The following CLVS1 variants were observed in gnomAD, a reference collection of about 807,000 sequenced individuals.
CLVS1 encodes clavesin-1.
CLVS1 carries 10 observed loss-of-function variants against 33.1 expected under a neutral mutation model. The observed-to-expected ratio is 0.30, with a 90% CI of 0.19 to 0.51. The LOEUF (loss-of-function observed/expected upper bound fraction) is 0.51, where lower values mean the gene tolerates loss of function less well. Among genes scored for constraint, CLVS1 ranks in the 20% least tolerant of loss-of-function variants. The probability of loss-of-function intolerance (pLI) is 0.97; values close to 1 mark genes in which losing one functional copy is unlikely to be tolerated. For synonymous variants in CLVS1, 163 were observed against 166.1 expected, an observed-to-expected ratio of 0.98 and a Z score of 0.14; for missense variants, 343 against 433.4, an observed-to-expected ratio of 0.79 and a Z score of 1.85.
intron 1 of CLVS1, among the ~76,000 whole-genome samples, chr8:61,069,260 G>A (rs1350713420): frequency 6.6e-6 from 1 of 152,114 alleles, no homozygotes; most frequent in Non-Finnish European, 1.5e-5. Context: ...GAGCCACCGC[G>A]CCCAGCCAGA....
chr8:61,166,031 G>GTTTTTATTTT, intron 2 of CLVS1, among the ~76,000 whole-genome samples: 1 of 108,376 alleles, frequency 9.2e-6, no homozygotes, highest in African/African-American at 3.3e-5. Context: ...GCATCTAAGC[G>GTTTTTATTTT]TTTTTTTTTT....
the CLVS1 span, among the ~76,000 whole-genome samples, chr8:61,023,495 G>A: frequency 3.9e-5 from 6 of 152,218 alleles, no homozygotes; most frequent in Non-Finnish European, 5.9e-5. Flanking sequence ...AATTTAGTAA[G>A]TTAAATTAAA....
intron 1 of CLVS1, among the ~76,000 whole-genome samples, chr8:61,086,846 G>A (rs1805135947): frequency 6.6e-6 from 1 of 152,208 alleles, no homozygotes; most frequent in Non-Finnish European, 1.5e-5. Flanking sequence ...TTGTATTCGT[G>A]TGGTGCTTTC....
At chr8:61,108,543 A>G (rs1805577353) in intron 1 of CLVS1, among the ~76,000 whole-genome samples, 1 of 152,204 alleles carries the variant, frequency 6.6e-6, no homozygotes, top group Non-Finnish European at 1.5e-5. Flanking sequence ...CTTGGAAGGA[A>G]GGATGAAAGA....
At chr8:61,232,022 GGTTTTTTTTTTTTTTT>G (rs1808444412) in intron 2 of CLVS1, among the ~76,000 whole-genome samples, 1 of 117,070 alleles carries the variant, frequency 8.5e-6, no homozygotes, top group Admixed American at 8.4e-5. Context: ...GGAAAGTTGT[GGTTTTTTTTTTTTTTT>G]TTTTTTTTTT....
chr8:61,474,599 T>C (rs538210085), intron 5 of CLVS1, among the ~76,000 whole-genome samples: 1 of 152,142 alleles, frequency 6.6e-6, no homozygotes, highest in East Asian at 1.9e-4. Flanking sequence ...AGAGGGAGAA[T>C]TGGAAGGTGT....
At chr8:61,026,016 G>A in the CLVS1 span, among the ~76,000 whole-genome samples, 1 of 152,034 alleles carries the variant, frequency 6.6e-6, no homozygotes, top group Admixed American at 6.5e-5. Context: ...CAGGCTGAAT[G>A]TCCCACCCCC....
At chr8:61,201,892 T>C (rs1432917639) in intron 2 of CLVS1, among the ~76,000 whole-genome samples, 2 of 152,224 alleles carry the variant, frequency 1.3e-5, no homozygotes, top group East Asian at 1.9e-4. Context: ...AGTTTTGCCA[T>C]GAGAGTACAC....
chr8:61,292,932 T>G (rs1810049730), intron 1 of CLVS1, among the ~76,000 whole-genome samples: 1 of 152,164 alleles, frequency 6.6e-6, no homozygotes, highest in African/African-American at 2.4e-5. Flanking sequence ...CTTCCCTGAG[T>G]TGCAGTCTGT....
the CLVS1 span, among the ~76,000 whole-genome samples, chr8:61,007,170 G>T: frequency 6.6e-6 from 1 of 152,222 alleles, no homozygotes; most frequent in Non-Finnish European, 1.5e-5. Context: ...GTAAAAGCAA[G>T]CATTTTCCCC....
At position 61,308,033 on chromosome 8, in the gene CLVS1, G is replaced by A. The variant is rs562949833; in HGVS notation, c.455+7751G>A. ...TGGCTTCAGGCTCCAACTTGGCTCA[G>A]AGCAGCACTGCTCAGACCAATCAGA... On this transcript the variant is annotated intron_variant, in intron 2 of 5. Coordinates refer to ENST00000325897, the MANE Select transcript of CLVS1 (RefSeq NM_173519.3). 9.8e-5 allele frequency among the ~76,000 whole-genome samples: 15 copies of A among 152,326 alleles called. 1 individual carries two copies. In the South Asian group the frequency reaches 2.1e-3, roughly 21 times the overall value.
chr8:61,447,228 TTCTACTAGC>T (rs1431138775), intron 3 of CLVS1, among the ~76,000 whole-genome samples: 5 of 152,142 alleles, frequency 3.3e-5, no homozygotes, highest in African/African-American at 1.2e-4. Context: ...CTTTTTCCAG[TTCTACTAGC>T]TTTTGCTTTG....
chr8:61,380,727 C>T (rs141192061), intron 3 of CLVS1, among the ~76,000 whole-genome samples: 144 of 152,186 alleles, frequency 9.5e-4, no homozygotes, highest in African/African-American at 3.1e-3. Flanking sequence ...TACAGCTCAG[C>T]GTTATTCTCA....
At chr8:61,254,059 C>A in intron 2 of CLVS1, among the ~76,000 whole-genome samples, 1 of 151,994 alleles carries the variant, frequency 6.6e-6, no homozygotes, top group East Asian at 1.9e-4. Context: ...TTTTATCTAC[C>A]TTTGGTCTTT....
At chr8:61,124,797 G>A (rs1403641383) in intron 1 of CLVS1, among the ~76,000 whole-genome samples, 1 of 152,178 alleles carries the variant, frequency 6.6e-6, no homozygotes, top group Non-Finnish European at 1.5e-5. Flanking sequence ...GCTGTCATGG[G>A]TTTTGCTGTA....
intron 2 of CLVS1, among the ~76,000 whole-genome samples, chr8:61,201,015 C>A (rs947647706): frequency 2.6e-5 from 4 of 152,106 alleles, no homozygotes; most frequent in African/African-American, 7.2e-5. Context: ...AAATTGCAAT[C>A]CTTTCATGGT....
rs114717122 is a variant in CLVS1, at chr8:61,333,970, G to C, written c.455+33688G>C. On this transcript the variant is annotated intron_variant, in intron 2 of 5. Transcript: ENST00000325897. The stretch of plus-strand genomic sequence containing the variant: ...ACATGTGGTATTTGGTTTTCTGTTT[G>C]TGTTAGTTTGCTGGGGATAATGGCC... Among the ~76,000 whole-genome samples, 1,503 of 152,278 alleles carry C rather than the reference G, an allele frequency of 9.9e-3. 31 individuals carry two copies. The highest frequency in any genetic ancestry group is 0.035 in the African/African-American group (1,450 of 41,552).
chr8:61,202,993 T>A, intron 2 of CLVS1: 1 of 1,434,386 alleles, frequency 7.0e-7, no homozygotes. Context: ...CTCAAAACCA[T>A]CAACACCAAG....
At chr8:61,394,622 G>A (rs529498452) in intron 3 of CLVS1, among the ~76,000 whole-genome samples, 16 of 152,242 alleles carry the variant, frequency 1.1e-4, no homozygotes, top group South Asian at 4.2e-4. Context: ...GAAAGCCAGC[G>A]GTGACAGGCC....
Sources: gnomAD v4.1 joint callset for allele counts (sites outside exome capture counted in the v4.1 genomes callset) on GRCh38, gnomAD v4.1.1 for gene constraint, MANE v1.5 for transcripts, NCBI Gene and HGNC (gene_info 2026-07-23, HGNC 2026-07-21) for gene names.